DNAJC6: variants seen among roughly 807,000 people sequenced by gnomAD.
The protein encoded by DNAJC6 is auxilin.
A neutral mutation model predicts 110.0 loss-of-function variants in DNAJC6; 34 were observed. The observed-to-expected ratio is 0.31, with a 90% confidence interval of 0.24 to 0.41. The LOEUF (loss-of-function observed/expected upper bound fraction) is 0.41, where lower values mean the gene tolerates loss of function less well. Among genes scored for constraint, DNAJC6 ranks in the 10% least tolerant of loss-of-function variants. DNAJC6 has a pLI of 1.00. For missense variants in DNAJC6, 1,031 were observed against 1,207.8 expected, an observed-to-expected ratio of 0.85 and a Z score of 2.17; for synonymous variants, 406 against 437.2, an observed-to-expected ratio of 0.93 and a Z score of 0.89.
chr1:65,267,084 A>G (rs1267162251), intron 1 of DNAJC6, among the ~76,000 whole-genome samples: 2 of 152,014 alleles, frequency 1.3e-5, no homozygotes, highest in Non-Finnish European at 2.9e-5. Flanking sequence ...TTTAGTAGAG[A>G]TGGGGTTTCA....
At chr1:65,355,178 G>A (rs1285345375) in intron 1 of DNAJC6, among the ~76,000 whole-genome samples, 1 of 150,596 alleles carries the variant, frequency 6.6e-6, no homozygotes, top group African/African-American at 2.4e-5. Context: ...TGGGAGGATC[G>A]CTTGAGCCTG....
In DNAJC6 at chr1:65,327,043, T is replaced by C. The variant is rs941920688; in HGVS notation, c.193+17105T>C. On this transcript the variant is annotated intron_variant, in intron 1 of 18. Transcript: ENST00000371069. ...GTAGAAAGAAGGGTCTATATAACTA[T>C]AACAAAGTATGAGATAGACAGTACA... Among the ~76,000 whole-genome samples, 5 of 152,122 alleles carry C rather than the reference T, an allele frequency of 3.3e-5. 1 individual carries two copies. The highest frequency in any genetic ancestry group is 4.8e-5 in the African/African-American group (2 of 41,400).
chr1:65,328,960 A>G (rs566040496), intron 1 of DNAJC6, among the ~76,000 whole-genome samples: 1 of 152,332 alleles, frequency 6.6e-6, no homozygotes, highest in East Asian at 1.9e-4. Context: ...AGTCTGGGTC[A>G]GGTGCTTCTT....
intron 1 of DNAJC6, among the ~76,000 whole-genome samples, chr1:65,317,013 G>A (rs1390271638): frequency 2.0e-5 from 3 of 151,760 alleles, no homozygotes; most frequent in Non-Finnish European, 2.9e-5. Flanking sequence ...CTATAGATCT[G>A]TGTATTTCTT....
At chr1:65,387,604 T>C (rs1361788572) in intron 8 of DNAJC6, among the ~76,000 whole-genome samples, 1 of 152,266 alleles carries the variant, frequency 6.6e-6, no homozygotes, top group African/African-American at 2.4e-5. Context: ...AAGCTTATTG[T>C]GTTATAGCAT....
chr1:65,367,308 A>G (rs1645656274), intron 4 of DNAJC6, among the ~76,000 whole-genome samples: 1 of 152,192 alleles, frequency 6.6e-6, no homozygotes, highest in Non-Finnish European at 1.5e-5. Flanking sequence ...TAAAGCACTG[A>G]TAACGCCATT....
chr1:65,384,168 T>C lies in DNAJC6; in HGVS notation c.667-25T>C, dbSNP rs781349694. 19 of 1,433,696 alleles carry C rather than the reference T, an allele frequency of 1.3e-5. No homozygotes were observed. The Admixed American group carries it at 4.3e-4, about 32-fold the overall frequency. 88.8% of individuals were successfully genotyped at this position (1,433,696 alleles called of 1,614,324 possible). On this transcript the variant is annotated intron_variant, in intron 5 of 18. Coordinates refer to ENST00000371069, the MANE Select transcript of DNAJC6 (RefSeq NM_001256864.2). ...ATGGCTGATTTGATCATGTTCATAATGATTTTATGCATTTTCTTTGACAGG... is the reference window on the plus strand; with the variant it reads ...ATGGCTGATTTGATCATGTTCATAACGATTTTATGCATTTTCTTTGACAGG...
intron 1 of DNAJC6, among the ~76,000 whole-genome samples, chr1:65,312,643 C>G (rs1358046030): frequency 6.6e-6 from 1 of 152,154 alleles, no homozygotes; most frequent in East Asian, 1.9e-4. Flanking sequence ...TTAATAATAC[C>G]TTAAACTTGT....
intron 13 of DNAJC6, among the ~76,000 whole-genome samples, chr1:65,397,646 C>A (rs1167328149): frequency 1.3e-5 from 2 of 152,038 alleles, no homozygotes; most frequent in Admixed American, 6.6e-5. Context: ...CCTACTTCTG[C>A]GTCTTAATTG....
At chr1:65,401,668 A>C in intron 14 of DNAJC6, 93 bp from the exon 15 acceptor site, 1 of 1,507,474 alleles carries the variant, frequency 6.6e-7, no homozygotes, top group Non-Finnish European at 8.9e-7. Context: ...TAATTTGCCT[A>C]GGAGACAAAT....
chr1:65,393,954 C>T (rs995987895), intron 12 of DNAJC6, among the ~76,000 whole-genome samples: 1 of 152,130 alleles, frequency 6.6e-6, no homozygotes, highest in African/African-American at 2.4e-5. Flanking sequence ...CCAATGTTAG[C>T]TATTGGTGGA....
At chr1:65,349,928 A>G (rs1405180567) in intron 1 of DNAJC6, among the ~76,000 whole-genome samples, 3 of 152,110 alleles carry the variant, frequency 2.0e-5, no homozygotes, top group Non-Finnish European at 4.4e-5. Flanking sequence ...GAGTTCAGAT[A>G]GGAGAGGATA....
At chr1:65,296,877 C>T (rs867702053) in intron 1 of DNAJC6, among the ~76,000 whole-genome samples, 4 of 152,102 alleles carry the variant, frequency 2.6e-5, no homozygotes, top group Non-Finnish European at 4.4e-5. Flanking sequence ...TGAGCCACCA[C>T]GCCCAGCCTC....
At chr1:65,390,716 G>A (rs1261456959) in intron 11 of DNAJC6, among the ~76,000 whole-genome samples, 5 of 152,254 alleles carry the variant, frequency 3.3e-5, no homozygotes, top group South Asian at 2.1e-4. Context: ...TATTCCCATC[G>A]CCTGCAGGCT....
At chr1:65,266,559 C>T (rs2477786) in intron 1 of DNAJC6, among the ~76,000 whole-genome samples, 31,702 of 152,140 alleles carry the variant, frequency 0.21, 4,069 homozygotes, top group South Asian at 0.35. Context: ...GACCTGTTCA[C>T]TCCTGTTTCT....
intron 1 of DNAJC6, among the ~76,000 whole-genome samples, chr1:65,321,822 G>A (rs961109772): frequency 6.6e-6 from 1 of 152,146 alleles, no homozygotes; most frequent in Non-Finnish European, 1.5e-5. Flanking sequence ...TTCAGAAGAG[G>A]AATTGACATC....
chr1:65,335,600 G>A (rs61781378), intron 1 of DNAJC6, among the ~76,000 whole-genome samples: 33,591 of 152,096 alleles, frequency 0.22, 4,572 homozygotes, highest in Non-Finnish European at 0.33. Flanking sequence ...GAGGGAAGCC[G>A]CGTGGCTCAC....
rs151169151 is a variant in DNAJC6, at chr1:65,389,739, A to G, written c.1468+112A>G. The G allele has an allele frequency of 4.6e-5, 54 of 1,178,694 alleles. 1 individual carries two copies. The highest frequency in any genetic ancestry group is 3.9e-4 in the African/African-American group (26 of 66,344). 73.0% of individuals were successfully genotyped at this position (1,178,694 alleles called of 1,614,324 possible). On this transcript the variant is annotated intron_variant, in intron 11 of 18. Coordinates refer to ENST00000371069, the MANE Select transcript of DNAJC6 (RefSeq NM_001256864.2). ...TAAAGCAGCACTTAGAGGTCATTCAATCCAGGCACACGGACTCCCACCTGT... is the reference window on the plus strand; with the variant it reads ...TAAAGCAGCACTTAGAGGTCATTCAGTCCAGGCACACGGACTCCCACCTGT...
intron 3 of DNAJC6, 45 bp from the exon 4 acceptor site, chr1:65,366,003 C>T (rs200311827): frequency 4.2e-5 from 67 of 1,612,894 alleles, no homozygotes; most frequent in South Asian, 1.3e-4. Flanking sequence ...TTATAGCAGA[C>T]GTAAACATTT....
Sources: gnomAD v4.1 joint callset for allele counts (sites outside exome capture counted in the v4.1 genomes callset) on GRCh38, gnomAD v4.1.1 for gene constraint, MANE v1.5 for transcripts, NCBI Gene and HGNC (gene_info 2026-07-23, HGNC 2026-07-21) for gene names.